Variants in PHKA1 observed in about 807,000 individuals in gnomAD.
PHKA1 encodes the protein phosphorylase b kinase regulatory subunit alpha, skeletal muscle isoform.
A neutral mutation model predicts 110.2 loss-of-function variants in PHKA1; 60 were observed. That is an observed-to-expected ratio of 0.54 (90% CI 0.44 to 0.68). The LOEUF is 0.68. PHKA1 is among the 30% of genes least tolerant of loss of function. The pLI is 0.00. For synonymous variants in PHKA1, 316 were observed against 333.6 expected (o/e 0.95, Z 0.58); for missense variants, 801 against 942.5 (o/e 0.85, Z 1.97).
At chrX:72,683,525 A>C (rs1166822323) in intron 5 of PHKA1, among the ~76,000 whole-genome samples, 3 of 112,221 alleles carry the variant, frequency 2.7e-5, no homozygotes, top group Non-Finnish European at 5.6e-5. Context: ...ACATATTTAA[A>C]GTGTACAACT....
intron 6 of PHKA1, among the ~76,000 whole-genome samples, chrX:72,668,187 T>G (rs1041008786): frequency 5.4e-5 from 6 of 112,008 alleles, no homozygotes; most frequent in African/African-American, 6.5e-5. Context: ...AATTATAAAT[T>G]CCTTGAGGTC....
chrX:72,586,710 G>A (rs191618932), intron 29 of PHKA1, among the ~76,000 whole-genome samples: 3 of 110,280 alleles, frequency 2.7e-5, no homozygotes, highest in Non-Finnish European at 5.7e-5. Flanking sequence ...TGGCTAACTA[G>A]AATAAACAGT....
At chrX:72,629,432 T>G (rs1233654295) in intron 16 of PHKA1, among the ~76,000 whole-genome samples, 2 of 111,788 alleles carry the variant, frequency 1.8e-5, no homozygotes, top group Non-Finnish European at 3.8e-5. Flanking sequence ...TCTCCTCTAT[T>G]TCTGTTGCTA....
intron 3 of PHKA1, among the ~76,000 whole-genome samples, chrX:72,703,585 G>A (rs1000775645): frequency 2.6e-4 from 29 of 111,407 alleles, no homozygotes; most frequent in Non-Finnish European, 4.9e-4. Flanking sequence ...GGAGGCTGAG[G>A]TGGGGGGATC....
intron 1 of PHKA1, 40 bp downstream of exon 1, chrX:72,713,763 A>T (rs782632575): frequency 9.4e-7 from 1 of 1,064,097 alleles, no homozygotes; most frequent in South Asian, 1.9e-5. Flanking sequence ...GACAAGCTAC[A>T]TCCTCGCTCG....
chrX:72,588,367 T>C lies in PHKA1; in HGVS notation c.3244-4065A>G, dbSNP rs1326737338. ...CGAAATGACGGCAGAAATGAAGGTGTTCTTTGAAACCAATGAGAACAAAGA... is the reference window on the plus strand; with the variant it reads ...CGAAATGACGGCAGAAATGAAGGTGCTCTTTGAAACCAATGAGAACAAAGA... On this transcript the variant is annotated intron_variant, in intron 29 of 31. Coordinates refer to ENST00000373542, the MANE Select transcript of PHKA1 (RefSeq NM_002637.4). Among the ~76,000 whole-genome samples, 3 of 112,055 alleles carry C rather than the reference T, an allele frequency of 2.7e-5. No homozygotes were observed. In the Admixed American group the frequency reaches 2.8e-4, roughly 11 times the overall value.
chrX:72,602,283 A>G lies in PHKA1; in HGVS notation c.2918-10T>C. On this transcript the variant is annotated splice_polypyrimidine_tract_variant and intron_variant, in intron 26 of 31. Coordinates refer to ENST00000373542, the MANE Select transcript of PHKA1 (RefSeq NM_002637.4). Reference sequence around the variant, plus strand: ...GAATCAGTGGGACGAACTATGTAGTATGAGAGATTACAGAGAAAGAGAGAG... The same window carrying G: ...GAATCAGTGGGACGAACTATGTAGTGTGAGAGATTACAGAGAAAGAGAGAG... The G allele has an allele frequency of 1.9e-6, 2 of 1,026,315 alleles. No individual in the cohort carries two copies. Among genetic ancestry groups the G allele is most frequent in the Non-Finnish European group, 2.8e-6 (2 of 726,962 alleles). 84.6% of individuals were successfully genotyped at this position (1,026,315 alleles called of 1,213,427 possible). A position where few individuals can be genotyped will look rare whatever the true frequency, so the allele number is the denominator to read the frequency against.
intron 29 of PHKA1, among the ~76,000 whole-genome samples, chrX:72,587,272 C>T (rs1434524993): frequency 9.9e-5 from 11 of 111,139 alleles, no homozygotes; most frequent in South Asian, 3.8e-4. Flanking sequence ...GAGTGGGGGC[C>T]GATATTCAAC....
At position 72,580,970 on chromosome X, in the gene PHKA1, A is replaced by G; in HGVS notation, c.*32T>C. 1 of 1,190,274 alleles carries G rather than the reference A, an allele frequency of 8.4e-7. No individual in the cohort carries two copies. The highest frequency in any genetic ancestry group is 1.1e-6 in the Non-Finnish European group (1 of 877,309). ...TCAACCGAGGCAGGGACCAGCTGTCAAAAGGCTCCCAGAAGCCAGGAACCA... is the reference window on the plus strand; with the variant it reads ...TCAACCGAGGCAGGGACCAGCTGTCGAAAGGCTCCCAGAAGCCAGGAACCA... On this transcript the variant is annotated 3_prime_UTR_variant, in exon 32 of 32. Transcript: ENST00000373542.
Position 72,582,267 on chromosome X carries a change from C to A in PHKA1, c.3498+131G>T, listed in dbSNP as rs2052348392. On this transcript the variant is annotated intron_variant, in intron 31 of 31. Transcript: ENST00000373542. ...TTGCAAACAGAGCTCAGAGCCGCTA[C>A]AAAGGGGGCCCAAAAAAGAAGTATG... is the stretch of plus-strand genomic sequence containing the variant. The A allele has an allele frequency of 6.1e-6, 3 of 492,131 alleles. No individual in the cohort carries two copies. The South Asian group carries it at 8.8e-5, about 14-fold the overall frequency. 40.6% of individuals were successfully genotyped at this position (492,131 alleles called of 1,213,427 possible).
In PHKA1 at chrX:72,619,132, C is replaced by T. The variant is rs1486584620; in HGVS notation, c.2229+82G>A. ...GCGTACCACTAGTTAGTAACAAGAA[C>T]CATAATGACTAGTCCTATTATTTCC... On this transcript the variant is annotated intron_variant, in intron 20 of 31. Coordinates refer to ENST00000373542, the MANE Select transcript of PHKA1 (RefSeq NM_002637.4). The T allele has an allele frequency of 4.8e-6, 3 of 623,793 alleles. No homozygotes were observed. The East Asian group carries it at 1.0e-4, about 22-fold the overall frequency. 51.4% of individuals were successfully genotyped at this position (623,793 alleles called of 1,213,427 possible).
At chrX:72,588,864 C>T (rs2147651942) in intron 29 of PHKA1, among the ~76,000 whole-genome samples, 1 of 111,595 alleles carries the variant, frequency 9.0e-6, no homozygotes, top group East Asian at 2.8e-4. Flanking sequence ...CACACCCTCT[C>T]AAGACTAAAC....
At position 72,650,523 on chromosome X, in the gene PHKA1, C is replaced by T. The variant is rs140426881; in HGVS notation, c.1246-55G>A. On this transcript the variant is annotated intron_variant, in intron 12 of 31. Coordinates refer to ENST00000373542, the MANE Select transcript of PHKA1 (RefSeq NM_002637.4). ...TTAAGTCTCAAAAGAGAAACTAATA[C>T]TTGAGGGAAAACAACATCCCTATGC... 683 of 977,739 alleles carry T rather than the reference C, an allele frequency of 7.0e-4. 3 individuals are homozygous for T. In the African/African-American group the frequency reaches 0.012, roughly 17 times the overall value. The allele number at this position is 977,739 out of a possible 1,213,427, so 80.6% of individuals were successfully genotyped here. A position where few individuals can be genotyped will look rare whatever the true frequency, so the allele number is the denominator to read the frequency against.
At chrX:72,711,020 C>A (rs1425001920) in intron 2 of PHKA1, among the ~76,000 whole-genome samples, 2 of 106,016 alleles carry the variant, frequency 1.9e-5, no homozygotes, top group Non-Finnish European at 3.9e-5. Flanking sequence ...CGCTACCACG[C>A]CCGGCTAATT....
At chrX:72,659,758 A>G (rs1365170158) in intron 8 of PHKA1, among the ~76,000 whole-genome samples, 1 of 112,618 alleles carries the variant, frequency 8.9e-6, no homozygotes, top group Non-Finnish European at 1.9e-5. Context: ...TTTATCAACT[A>G]GAGCAGGGGT....
intron 16 of PHKA1, among the ~76,000 whole-genome samples, chrX:72,627,398 T>C (rs2053091029): frequency 8.9e-6 from 1 of 112,552 alleles, no homozygotes; most frequent in Non-Finnish European, 1.9e-5. Flanking sequence ...TGCCAAGCAC[T>C]GTGCTAAACA....
Position 72,593,247 on chromosome X carries a change from T to C in PHKA1, c.3100A>G (p.Ser1034Gly). The change falls in exon 29 of 32, where the codon AGT becomes GGT. Residue 1034 changes from serine (S) to glycine (G), a missense_variant. This residue lies in a region of PHKA1 where 502 missense variants were observed against 519.2 expected (regional missense o/e 0.97). Coordinates refer to ENST00000373542, the MANE Select transcript of PHKA1 (RefSeq NM_002637.4). Reference protein sequence around the residue: ...QSPGTSMTPSSGSFPSAYDQQ... With the variant: ...QSPGTSMTPSGGSFPSAYDQQ... ...TCATATGCACTAGGAAAGGACCCAC[T>C]ACTTGGAGTCATAGAGGTTCCAGGT... 10 of 1,204,740 alleles carry C rather than the reference T, an allele frequency of 8.3e-6. No individual in the cohort carries two copies. The highest frequency in any genetic ancestry group is 1.1e-5 in the Non-Finnish European group (10 of 888,941).
chrX:72,665,412 T>C (rs1387227900), intron 8 of PHKA1, among the ~76,000 whole-genome samples: 1 of 111,460 alleles, frequency 9.0e-6, no homozygotes, highest in Non-Finnish European at 1.9e-5. Context: ...TGTACTCCGA[T>C]GAAGAAAAGT....
chrX:72,673,014 G>C (rs782171718), intron 6 of PHKA1, among the ~76,000 whole-genome samples: 1 of 111,886 alleles, frequency 8.9e-6, no homozygotes, highest in East Asian at 2.8e-4. Context: ...TGTTTCAGAC[G>C]GAAGAAGCCT....
Sources: allele counts gnomAD v4.1 joint callset (sites outside exome capture counted in the v4.1 genomes callset), GRCh38; gene constraint gnomAD v4.1.1; regional missense constraint gnomAD v4.1.1; transcripts MANE v1.5; gene names NCBI Gene and HGNC (gene_info 2026-07-23, HGNC 2026-07-21).